Variants in GLDC observed in about 807,000 individuals in gnomAD.
The protein encoded by GLDC is glycine dehydrogenase (decarboxylating), mitochondrial.
GLDC carries 104 observed loss-of-function variants against 121.3 expected under a neutral mutation model. The ratio of observed to expected loss-of-function variants is 0.86; its 90% confidence interval spans 0.73 to 1.01. The LOEUF (loss-of-function observed/expected upper bound fraction) is 1.01, where lower values mean the gene tolerates loss of function less well. Among genes scored for constraint, GLDC ranks in the 50% least tolerant of loss-of-function variants. The pLI is 0.00. For synonymous variants in GLDC, 546 were observed against 480.6 expected, an observed-to-expected ratio of 1.14 and a Z score of -1.78; for missense variants, 1,429 against 1,306.6, an observed-to-expected ratio of 1.09 and a Z score of -1.44.
At chr9:6,587,595 A>G (rs1818296220) in intron 14 of GLDC, among the ~76,000 whole-genome samples, 1 of 152,232 alleles carries the variant, frequency 6.6e-6, no homozygotes, top group Non-Finnish European at 1.5e-5. Context: ...TGCTTCAGGT[A>G]TGGTTGGCAT....
chr9:6,616,521 C>T (rs1321936936), intron 3 of GLDC, among the ~76,000 whole-genome samples: 1 of 152,104 alleles, frequency 6.6e-6, no homozygotes, highest in Non-Finnish European at 1.5e-5. Context: ...GGACAGTGAG[C>T]CTTGGATCTG....
chr9:6,574,270 C>T (rs933781977), intron 15 of GLDC, among the ~76,000 whole-genome samples: 8 of 152,166 alleles, frequency 5.3e-5, no homozygotes, highest in Admixed American at 1.3e-4. Flanking sequence ...GAGTTCAAGA[C>T]CAGCCTGGCC....
chr9:6,644,136 G>A (rs1449304872), intron 2 of GLDC, among the ~76,000 whole-genome samples: 3 of 151,022 alleles, frequency 2.0e-5, no homozygotes, highest in Non-Finnish European at 4.4e-5. Context: ...AAATTTGGAC[G>A]TGAGGTAAGA....
chr9:6,634,552 CAAAA>C (rs1563872408), intron 2 of GLDC, among the ~76,000 whole-genome samples: 1 of 101,884 alleles, frequency 9.8e-6, no homozygotes, highest in Admixed American at 1.0e-4. Context: ...AACAAACAAA[CAAAA>C]AACAAAAAAA....
intron 8 of GLDC, among the ~76,000 whole-genome samples, chr9:6,597,823 C>G (rs746412817): frequency 2.6e-5 from 4 of 151,982 alleles, no homozygotes; most frequent in Non-Finnish European, 2.9e-5. Flanking sequence ...GTAGTCCCAG[C>G]TACACAGGAG....
chr9:6,601,468 G>A (rs1818609460), intron 8 of GLDC, among the ~76,000 whole-genome samples: 2 of 152,174 alleles, frequency 1.3e-5, no homozygotes, highest in Admixed American at 6.5e-5. Context: ...CGCTTTGCCT[G>A]TTCAGGATCT....
chr9:6,606,576 G>C lies in GLDC; in HGVS notation c.713+16C>G. On this transcript the variant is annotated intron_variant, in intron 5 of 24. Coordinates refer to ENST00000321612, the MANE Select transcript of GLDC (RefSeq NM_000170.3). Reference sequence around the variant, plus strand: ...TGACATTATACTGAGTTTAAAACACGAATCAAATTAATTACTTGGCTCGAG... The same window carrying C: ...TGACATTATACTGAGTTTAAAACACCAATCAAATTAATTACTTGGCTCGAG... The C allele has an allele frequency of 2.7e-6, 4 of 1,470,542 alleles. No homozygotes were observed. Among genetic ancestry groups the C allele is most frequent in the African/African-American group, 1.4e-5 (1 of 71,822 alleles). 91.1% of individuals were successfully genotyped at this position (1,470,542 alleles called of 1,614,324 possible).
chr9:6,574,019 A>C (rs1012162081), intron 15 of GLDC, among the ~76,000 whole-genome samples: 1 of 152,192 alleles, frequency 6.6e-6, no homozygotes, highest in Non-Finnish European at 1.5e-5. Flanking sequence ...CCCTCAACAC[A>C]ACACTCTGTA....
At chr9:6,551,718 GA>G (rs1434938953) in intron 20 of GLDC, among the ~76,000 whole-genome samples, 1 of 152,158 alleles carries the variant, frequency 6.6e-6, no homozygotes, top group East Asian at 1.9e-4. Flanking sequence ...TTCGGATAGG[GA>G]AAGAGAAAGG....
chr9:6,611,259 C>T (rs1818844843), intron 3 of GLDC, among the ~76,000 whole-genome samples: 1 of 152,218 alleles, frequency 6.6e-6, no homozygotes, highest in East Asian at 1.9e-4. Flanking sequence ...GTCAGTTAGC[C>T]AATTTAGTTC....
chr9:6,619,827 T>C (rs1467750654), intron 3 of GLDC, among the ~76,000 whole-genome samples: 1 of 152,196 alleles, frequency 6.6e-6, no homozygotes, highest in African/African-American at 2.4e-5. Context: ...AAGTAGCCTA[T>C]GTCCCAGGGT....
At chr9:6,629,550 G>A (rs1177156709) in intron 2 of GLDC, among the ~76,000 whole-genome samples, 5 of 151,902 alleles carry the variant, frequency 3.3e-5, no homozygotes, top group Admixed American at 1.3e-4. Context: ...CACAAGAACT[G>A]GAAAAATGTC....
chr9:6,555,270 A>G (rs1291113006), intron 18 of GLDC, among the ~76,000 whole-genome samples: 4 of 152,146 alleles, frequency 2.6e-5, no homozygotes, highest in Non-Finnish European at 5.9e-5. Flanking sequence ...GAACTGAGAG[A>G]GGGAAGGCAA....
intron 15 of GLDC, among the ~76,000 whole-genome samples, chr9:6,577,808 G>A (rs938426102): frequency 1.0e-4 from 15 of 149,664 alleles, no homozygotes; most frequent in African/African-American, 3.8e-4. Flanking sequence ...CCATCTCTAC[G>A]TTATTGATTT....
intron 9 of GLDC, among the ~76,000 whole-genome samples, chr9:6,594,619 C>T (rs1587952383): frequency 1.3e-5 from 2 of 152,152 alleles, no homozygotes; most frequent in Admixed American, 1.3e-4. Context: ...CACATGAATC[C>T]GGGAAGTGGA....
chr9:6,640,924 T>A (rs147320509), intron 2 of GLDC, among the ~76,000 whole-genome samples: 102 of 152,302 alleles, frequency 6.7e-4, no homozygotes, highest in Non-Finnish European at 1.0e-3. Context: ...TTCAGAGAAA[T>A]CAGTGTTGCC....
At chr9:6,611,174 G>A (rs1342439220) in intron 3 of GLDC, among the ~76,000 whole-genome samples, 3 of 152,226 alleles carry the variant, frequency 2.0e-5, no homozygotes, top group Non-Finnish European at 4.4e-5. Context: ...GGATGGAAAT[G>A]TTTAGAAGGC....
chr9:6,603,632 C>T (rs1818666154), intron 7 of GLDC, among the ~76,000 whole-genome samples: 1 of 151,988 alleles, frequency 6.6e-6, no homozygotes, highest in Admixed American at 6.6e-5. Context: ...TGTTAAAGTC[C>T]AGCTTTTATC....
chr9:6,535,635 C>T (rs1362049689), intron 23 of GLDC, among the ~76,000 whole-genome samples: 2 of 152,140 alleles, frequency 1.3e-5, no homozygotes, highest in Non-Finnish European at 2.9e-5. Context: ...CAGAGTAATG[C>T]CCAACCAACT....
Sources: gnomAD v4.1 joint callset for allele counts (sites outside exome capture counted in the v4.1 genomes callset) on GRCh38, gnomAD v4.1.1 for gene constraint, MANE v1.5 for transcripts, NCBI Gene and HGNC (gene_info 2026-07-23, HGNC 2026-07-21) for gene names.